The following SLC20A2 variants were observed in gnomAD, a reference collection of about 807,000 sequenced individuals.
The protein encoded by SLC20A2 is sodium-dependent phosphate transporter 2.
Under a neutral mutation model 61.0 loss-of-function variants are expected in SLC20A2, and 30 were observed. The ratio of observed to expected loss-of-function variants is 0.49; its 90% confidence interval spans 0.37 to 0.67. The LOEUF (loss-of-function observed/expected upper bound fraction) is 0.67, where lower values mean the gene tolerates loss of function less well. Among genes scored for constraint, SLC20A2 ranks in the 30% least tolerant of loss-of-function variants. SLC20A2 has a pLI of 0.00. For missense variants in SLC20A2, 626 were observed against 866.4 expected (o/e 0.72, Z 3.48); for synonymous variants, 351 against 353.3 (o/e 0.99, Z 0.07).
At chr8:42,435,370 C>T (rs1347580016) in intron 8 of SLC20A2, among the ~76,000 whole-genome samples, 2 of 152,104 alleles carry the variant, frequency 1.3e-5, no homozygotes, top group Non-Finnish European at 2.9e-5. Context: ...CTCACCATGA[C>T]CGTGATGGCA....
chr8:42,485,421 C>T (rs1010526150), intron 1 of SLC20A2, among the ~76,000 whole-genome samples: 10 of 151,756 alleles, frequency 6.6e-5, no homozygotes, highest in Non-Finnish European at 1.3e-4. Flanking sequence ...GCGGGTGAAT[C>T]GCCTGAGGTC....
intron 2 of SLC20A2, 27 bp from the exon 3 acceptor site, chr8:42,465,944 C>T: frequency 2.5e-6 from 4 of 1,602,818 alleles, no homozygotes; most frequent in Non-Finnish European, 3.4e-6. Context: ...AAAAAACCAT[C>T]AGATACAGAG....
At chr8:42,464,589 G>T (rs974711716) in intron 3 of SLC20A2, among the ~76,000 whole-genome samples, 1 of 152,120 alleles carries the variant, frequency 6.6e-6, no homozygotes, top group Non-Finnish European at 1.5e-5. Context: ...GAAGAACAGA[G>T]GGTGATTTCC....
intron 1 of SLC20A2, among the ~76,000 whole-genome samples, chr8:42,530,821 T>C (rs1250080615): frequency 1.3e-5 from 2 of 152,140 alleles, no homozygotes; most frequent in Non-Finnish European, 2.9e-5. Context: ...GTTCAAGGGA[T>C]TCTCCTGCTT....
chr8:42,527,270 G>T (rs1233835526), intron 1 of SLC20A2, among the ~76,000 whole-genome samples: 1 of 151,958 alleles, frequency 6.6e-6, no homozygotes, highest in Non-Finnish European at 1.5e-5. Flanking sequence ...CGGGTGTGGT[G>T]GGGTATGCCT....
chr8:42,469,712 G>A (rs893059411), intron 2 of SLC20A2, among the ~76,000 whole-genome samples: 1 of 152,024 alleles, frequency 6.6e-6, no homozygotes, highest in Non-Finnish European at 1.5e-5. Context: ...GGAGGATCAC[G>A]AGGTCAGGAG....
chr8:42,435,101 G>C (rs568585807), intron 8 of SLC20A2, among the ~76,000 whole-genome samples: 1 of 152,296 alleles, frequency 6.6e-6, no homozygotes, highest in South Asian at 2.1e-4. Flanking sequence ...GGAGGAAGTG[G>C]GACGGTGTGG....
intron 1 of SLC20A2, among the ~76,000 whole-genome samples, chr8:42,487,164 C>CT (rs1809082030): frequency 2.8e-5 from 4 of 145,284 alleles, no homozygotes; most frequent in East Asian, 2.0e-4. Context: ...CGTGCTTGGC[C>CT]ATGGTTTCTT....
chr8:42,427,139 G>A (rs953687957), intron 10 of SLC20A2, among the ~76,000 whole-genome samples: 6 of 152,236 alleles, frequency 3.9e-5, no homozygotes, highest in African/African-American at 9.6e-5. Context: ...GGAGGAGGAC[G>A]CTGGCCATGC....
intron 1 of SLC20A2, among the ~76,000 whole-genome samples, chr8:42,520,261 G>A (rs1479639358): frequency 3.3e-5 from 5 of 151,024 alleles, no homozygotes; most frequent in Non-Finnish European, 7.4e-5. Flanking sequence ...TGATCCGCCC[G>A]CCTCAGCCTC....
At chr8:42,440,464 A>G (rs922990912) in intron 6 of SLC20A2, among the ~76,000 whole-genome samples, 3 of 152,242 alleles carry the variant, frequency 2.0e-5, no homozygotes, top group African/African-American at 2.4e-5. Context: ...ACATGGATCA[A>G]TAATTTGTTC....
upstream of SLC20A2, among the ~76,000 whole-genome samples, chr8:42,505,839 T>C (rs1017460670): frequency 1.3e-5 from 2 of 151,062 alleles, no homozygotes; most frequent in African/African-American, 4.9e-5. Context: ...TGCAGTGAGC[T>C]GAGATCACGC....
Position 42,472,405 on chromosome 8 carries a change from G to C in SLC20A2, c.-15C>G. On this transcript the variant is annotated 5_prime_UTR_variant, in exon 2 of 11. Coordinates refer to ENST00000520262, the MANE Select transcript of SLC20A2 (RefSeq NM_001257180.2). This position sits in a 1 kb window ranked among gnomAD's most constrained non-coding sequence, Gnocchi z 4.1. ...TCCATGGCCATTTTGGAAAGTGGGT[G>C]CCGGGTACTTTTCTTTTGCAGGAAT... 1 of 1,602,124 alleles carries C rather than the reference G, an allele frequency of 6.2e-7. No individual in the cohort carries two copies. Among genetic ancestry groups the C allele is most frequent in the Non-Finnish European group, 8.5e-7 (1 of 1,172,824 alleles).
chr8:42,420,120 A>C (rs1429454657), intron 10 of SLC20A2, among the ~76,000 whole-genome samples: 1 of 151,644 alleles, frequency 6.6e-6, no homozygotes, highest in East Asian at 1.9e-4. Context: ...GGGGAGGTGG[A>C]GGTTGCAGTG....
intron 6 of SLC20A2, among the ~76,000 whole-genome samples, chr8:42,442,832 T>C (rs1175359393): frequency 6.6e-6 from 1 of 152,180 alleles, no homozygotes; most frequent in Non-Finnish European, 1.5e-5. Flanking sequence ...CTTTGTCTCA[T>C]GTATTTTGGT....
At chr8:42,478,514 T>C (rs1808331334) in intron 1 of SLC20A2, among the ~76,000 whole-genome samples, 1 of 152,118 alleles carries the variant, frequency 6.6e-6, no homozygotes, top group Non-Finnish European at 1.5e-5. Flanking sequence ...CCCAGCCAAC[T>C]ATTGGCAATT....
intron 4 of SLC20A2, among the ~76,000 whole-genome samples, chr8:42,461,049 G>C (rs751647455): frequency 6.6e-6 from 1 of 152,234 alleles, no homozygotes; most frequent in Non-Finnish European, 1.5e-5. Flanking sequence ...TCAAGGAGCT[G>C]TTCTGGAATG....
chr8:42,526,974 G>A (rs568810267), intron 1 of SLC20A2, among the ~76,000 whole-genome samples: 10 of 151,818 alleles, frequency 6.6e-5, no homozygotes, highest in African/African-American at 9.7e-5. Context: ...GCATGGTGGC[G>A]TGCGCCTATA....
At chr8:42,466,812 G>A (rs887239001) in intron 2 of SLC20A2, among the ~76,000 whole-genome samples, 2 of 152,040 alleles carry the variant, frequency 1.3e-5, no homozygotes, top group Non-Finnish European at 2.9e-5. Flanking sequence ...GAGATTACAA[G>A]TGTGCACCAC....
Sources: gnomAD v4.1 joint callset for allele counts (sites outside exome capture counted in the v4.1 genomes callset) on GRCh38, gnomAD v4.1.1 for gene constraint, Gnocchi (gnomAD v3.1) non-coding constraint, MANE v1.5 for transcripts, NCBI Gene and HGNC (gene_info 2026-07-23, HGNC 2026-07-21) for gene names.